The following IFT74 variants were observed in gnomAD, a reference collection of about 807,000 sequenced individuals.
The protein encoded by IFT74 is intraflagellar transport protein 74 homolog.
A neutral mutation model predicts 96.7 loss-of-function variants in IFT74; 92 were observed. The observed-to-expected ratio is 0.95, with a 90% CI of 0.80 to 1.13. The LOEUF (loss-of-function observed/expected upper bound fraction) is 1.13. Ranked by LOEUF, IFT74 falls within the 50% of genes most tolerant of loss-of-function variation. IFT74 has a pLI of 0.00. For missense variants in IFT74, 811 were observed against 698.2 expected (o/e 1.16, Z -1.82); for synonymous variants, 223 against 213.2 (o/e 1.05, Z -0.40).
intron 19 of IFT74, among the ~76,000 whole-genome samples, chr9:27,062,339 G>A (rs1022861767): frequency 3.3e-5 from 5 of 152,114 alleles, no homozygotes; most frequent in African/African-American, 9.7e-5. Context: ...TTCATTGAAC[G>A]TTAGATTGTT....
At chr9:26,994,588 T>A (rs1828049481) in intron 8 of IFT74, 1 of 151,284 alleles carries the variant, frequency 6.6e-6, no homozygotes. Flanking sequence ...TTGTTTAAAC[T>A]ACTAGTTTTT....
intron 8 of IFT74, chr9:26,995,246 C>G (rs1428778631): frequency 8.9e-6 from 2 of 225,694 alleles, no homozygotes; most frequent in East Asian, 9.4e-5. Context: ...TAATTTAGAC[C>G]TTTTTACTAG....
intron 12 of IFT74, among the ~76,000 whole-genome samples, chr9:27,020,412 G>T (rs747955366): frequency 1.3e-5 from 2 of 150,418 alleles, no homozygotes; most frequent in Non-Finnish European, 3.0e-5. Context: ...ATGGCTAAGA[G>T]AATATTTTTT....
intron 2 of IFT74, among the ~76,000 whole-genome samples, chr9:26,972,309 A>G (rs760459250): frequency 2.6e-5 from 4 of 151,890 alleles, no homozygotes. Flanking sequence ...CTTACTGTCT[A>G]TTTTCCTCCG....
chr9:27,056,773 A>G (rs1239732742), intron 18 of IFT74, among the ~76,000 whole-genome samples: 1 of 152,052 alleles, frequency 6.6e-6, no homozygotes, highest in Non-Finnish European at 1.5e-5. Context: ...AAAATCACAA[A>G]TAAAATAAAT....
At chr9:26,988,039 G>A (rs934993316) in intron 6 of IFT74, among the ~76,000 whole-genome samples, 3 of 152,018 alleles carry the variant, frequency 2.0e-5, no homozygotes, top group African/African-American at 7.2e-5. Context: ...CGCAACCTCT[G>A]CTTCCCGGGT....
chr9:27,033,753 CTGTT>C (rs1439965509), intron 13 of IFT74, among the ~76,000 whole-genome samples: 9 of 151,972 alleles, frequency 5.9e-5, no homozygotes, highest in South Asian at 2.1e-4. Flanking sequence ...TATAACTTGT[CTGTT>C]TATTTCCACA....
At chr9:27,036,416 C>A in intron 13 of IFT74, 1 of 1,608,404 alleles carries the variant, frequency 6.2e-7, no homozygotes, top group Non-Finnish European at 8.5e-7. Context: ...GTAATATAGT[C>A]AATTCTTTGT....
intron 8 of IFT74, chr9:26,999,770 CTTTTTTTT>C (rs1179000269): frequency 1.3e-4 from 43 of 340,126 alleles, no homozygotes; most frequent in East Asian, 3.1e-4. Flanking sequence ...TCTGTTTATT[CTTTTTTTT>C]TTTTTTTTTT....
chr9:26,976,030 T>G (rs940432154), intron 2 of IFT74, among the ~76,000 whole-genome samples: 3 of 152,190 alleles, frequency 2.0e-5, no homozygotes, highest in Admixed American at 1.3e-4. Flanking sequence ...TAGGAAATAC[T>G]TTGTTGTTCT....
intron 16 of IFT74, 122 bp downstream of exon 16, chr9:27,048,396 T>A: frequency 1.6e-6 from 1 of 625,468 alleles, no homozygotes; most frequent in South Asian, 3.2e-5. Flanking sequence ...GCCCCAGAAT[T>A]ATGTGTGGCT....
At chr9:26,951,743 C>CAA (rs1055387599), upstream of IFT74, among the ~76,000 whole-genome samples, 2 of 152,062 alleles carry the variant, frequency 1.3e-5, no homozygotes, top group Non-Finnish European at 2.9e-5. Context: ...TACTAAAATA[C>CAA]AAAAAATTAG....
At position 26,962,004 on chromosome 9, in the gene IFT74, G is replaced by A. The variant is rs200012991; in HGVS notation, c.37G>A (p.Val13Ile). ...SNHKSSAARP[V>I]SRGGVGLTGR... Reference sequence around the variant, plus strand: ...TCACAAATCTTCAGCAGCTCGCCCTGTTTCAAGAGGTGGAGTTGGGTTAAC... The same window carrying A: ...TCACAAATCTTCAGCAGCTCGCCCTATTTCAAGAGGTGGAGTTGGGTTAAC... Residue 13 changes from valine (V) to isoleucine (I), a missense_variant, in exon 2 of 20, where the codon GTT (valine) becomes ATT (isoleucine). Val to Ile is a conservative substitution (Grantham distance 29). Coordinates refer to ENST00000380062, the MANE Select transcript of IFT74 (RefSeq NM_025103.4). 1.2e-5 allele frequency: 19 copies of A among 1,614,038 alleles called. No homozygotes were observed. Among genetic ancestry groups the A allele is most frequent in the Non-Finnish European group, 4.2e-6 (5 of 1,179,986 alleles).
chr9:26,976,124 G>T (rs1037233723), intron 2 of IFT74, among the ~76,000 whole-genome samples: 2 of 152,148 alleles, frequency 1.3e-5, no homozygotes, highest in African/African-American at 4.8e-5. Flanking sequence ...ATTGCTGAGA[G>T]CTTGGATTTG....
At chr9:27,021,806 T>A (rs1312727092) in intron 12 of IFT74, among the ~76,000 whole-genome samples, 1 of 152,232 alleles carries the variant, frequency 6.6e-6, no homozygotes, top group South Asian at 2.1e-4. Flanking sequence ...CTGATTCTTT[T>A]GTGGTGCAGA....
At chr9:27,031,740 A>AT (rs1337137801) in intron 13 of IFT74, among the ~76,000 whole-genome samples, 1 of 134,954 alleles carries the variant, frequency 7.4e-6, no homozygotes, top group Non-Finnish European at 1.6e-5. Flanking sequence ...AATAAATAAA[A>AT]TAAAATAAAA....
Position 26,999,804 on chromosome 9 carries a change from G to T in IFT74, c.588-9216G>T. On this transcript the variant is annotated intron_variant, in intron 8 of 19. Coordinates refer to ENST00000380062, the MANE Select transcript of IFT74 (RefSeq NM_025103.4). ...TTTTTTTTTTTTTGGCTGAGACAGGGTCTCACTCTGTCACACAGACCTGGT... is the reference window on the plus strand; with the variant it reads ...TTTTTTTTTTTTTGGCTGAGACAGGTTCTCACTCTGTCACACAGACCTGGT... The T allele has an allele frequency of 6.0e-6, 4 of 661,778 alleles. No homozygotes were observed. The South Asian group carries it at 7.0e-5, about 12-fold the overall frequency. The allele number at this position is 661,778 out of a possible 1,614,324, so 41.0% of individuals were successfully genotyped here.
intron 2 of IFT74, among the ~76,000 whole-genome samples, chr9:26,965,102 A>G (rs564283925): frequency 1.8e-4 from 27 of 152,330 alleles, no homozygotes; most frequent in African/African-American, 6.0e-4. Flanking sequence ...TTAGATAGTC[A>G]TTACAAACTA....
At chr9:27,055,862 A>T in intron 17 of IFT74, 90 bp downstream of exon 17, 1 of 797,588 alleles carries the variant, frequency 1.3e-6, no homozygotes, top group Non-Finnish European at 1.8e-6. Context: ...AGGATTTATT[A>T]TTTTAAGTTG....
Sources: allele counts gnomAD v4.1 joint callset (sites outside exome capture counted in the v4.1 genomes callset), GRCh38; gene constraint gnomAD v4.1.1; transcripts MANE v1.5; gene names NCBI Gene and HGNC (gene_info 2026-07-23, HGNC 2026-07-21).